Variants in FGGY observed in about 807,000 individuals in gnomAD.
The protein encoded by FGGY is FGGY carbohydrate kinase domain-containing protein.
FGGY carries 72 observed loss-of-function variants against 71.3 expected under a neutral mutation model. That is an observed-to-expected ratio of 1.01 (90% CI 0.84 to 1.23). FGGY has a LOEUF of 1.23. Ranked by LOEUF, FGGY falls within the 50% of genes most tolerant of loss-of-function variation. The pLI is 0.00. For missense variants in FGGY, 668 were observed against 682.3 expected, an observed-to-expected ratio of 0.98 and a Z score of 0.23; for synonymous variants, 251 against 250.3, an observed-to-expected ratio of 1.00 and a Z score of -0.02.
intron 13 of FGGY, among the ~76,000 whole-genome samples, chr1:59,672,864 C>A (rs1273137796): frequency 6.6e-6 from 1 of 152,176 alleles, no homozygotes; most frequent in Non-Finnish European, 1.5e-5. Context: ...ACATTATAGA[C>A]CTAAGAATCC....
chr1:59,474,215 A>G (rs1329902502), intron 6 of FGGY: 1 of 152,220 alleles, frequency 6.6e-6, no homozygotes, highest in Non-Finnish European at 1.5e-5. Context: ...AATAACTTTC[A>G]GAGGTTTTGC....
intron 8 of FGGY, among the ~76,000 whole-genome samples, chr1:59,562,822 T>C (rs1244220053): frequency 1.3e-5 from 2 of 152,198 alleles, no homozygotes; most frequent in African/African-American, 4.8e-5. Flanking sequence ...ATCTTGATTG[T>C]GGTAATAACT....
At chr1:59,302,727 A>T in intron 1 of FGGY, among the ~76,000 whole-genome samples, 1 of 152,210 alleles carries the variant, frequency 6.6e-6, no homozygotes, top group Admixed American at 6.5e-5. Flanking sequence ...TAATTTATTA[A>T]TATAAAAAAT....
Position 59,613,756 on chromosome 1 carries a change from C to T in FGGY, c.1011+5846C>T, listed in dbSNP as rs549316453. ...CAAAATTGATAGAACGCTAGCAAGA[C>T]TAATGAAGAAGAAAAGAGAGAAGAA... On this transcript the variant is annotated intron_variant, in intron 9 of 15. Transcript: ENST00000303721. 5.9e-5 allele frequency among the ~76,000 whole-genome samples: 9 copies of T among 151,854 alleles called. No individual in the cohort carries two copies. The South Asian group carries it at 1.9e-3, about 32-fold the overall frequency.
At chr1:59,569,434 A>T (rs778201673) in intron 8 of FGGY, among the ~76,000 whole-genome samples, 1 of 152,216 alleles carries the variant, frequency 6.6e-6, no homozygotes, top group African/African-American at 2.4e-5. Context: ...GTGGTATTTT[A>T]TACCCATTCC....
intron 4 of FGGY, among the ~76,000 whole-genome samples, chr1:59,373,603 A>G (rs1028479960): frequency 6.6e-6 from 1 of 152,162 alleles, no homozygotes; most frequent in African/African-American, 2.4e-5. Flanking sequence ...CCCCAAGTCA[A>G]TCCTAAGCCA....
chr1:59,390,962 A>C (rs1419781742), intron 5 of FGGY, among the ~76,000 whole-genome samples: 1 of 152,244 alleles, frequency 6.6e-6, no homozygotes, highest in South Asian at 2.1e-4. Context: ...TCCCTAATCC[A>C]GTAATTGATA....
intron 8 of FGGY, among the ~76,000 whole-genome samples, chr1:59,592,953 AAG>A (rs1447779387): frequency 1.3e-5 from 2 of 151,418 alleles, no homozygotes; most frequent in Admixed American, 6.5e-5. Flanking sequence ...AAATAAGAAA[AAG>A]TAAAAATAAA....
chr1:59,651,028 C>T (rs2097153830), intron 11 of FGGY, among the ~76,000 whole-genome samples: 1 of 151,384 alleles, frequency 6.6e-6, no homozygotes, highest in African/African-American at 2.5e-5. Context: ...CATTCAGGAG[C>T]AGGTTGTTCA....
chr1:59,372,441 C>T (rs1161857175), intron 4 of FGGY, among the ~76,000 whole-genome samples: 1 of 152,118 alleles, frequency 6.6e-6, no homozygotes, highest in Non-Finnish European at 1.5e-5. Context: ...AAAAAGAGTC[C>T]AGGACCAGAT....
intron 12 of FGGY, among the ~76,000 whole-genome samples, chr1:59,663,865 A>T (rs544143397): frequency 1.3e-5 from 2 of 152,350 alleles, no homozygotes; most frequent in East Asian, 3.9e-4. Context: ...TTAGCCCTGA[A>T]TATTGCCGGA....
chr1:59,446,080 A>G (rs937979567), intron 5 of FGGY, among the ~76,000 whole-genome samples: 3 of 152,180 alleles, frequency 2.0e-5, no homozygotes, highest in East Asian at 1.9e-4. Flanking sequence ...CTGGCGTATA[A>G]TAGGCACTAA....
intron 14 of FGGY, among the ~76,000 whole-genome samples, chr1:59,724,074 A>G (rs2097919513): frequency 6.6e-6 from 1 of 151,712 alleles, no homozygotes; most frequent in African/African-American, 2.4e-5. Context: ...GAGGCAGGAG[A>G]ATCGCTTGAA....
At chr1:59,432,473 T>C (rs913894079) in intron 5 of FGGY, among the ~76,000 whole-genome samples, 1 of 150,932 alleles carries the variant, frequency 6.6e-6, no homozygotes, top group South Asian at 2.1e-4. Context: ...CTGCCCTTAC[T>C]CCAGGTAGTT....
At chr1:59,653,294 TTG>T (rs2097184215) in intron 11 of FGGY, among the ~76,000 whole-genome samples, 2 of 152,216 alleles carry the variant, frequency 1.3e-5, no homozygotes, top group Admixed American at 1.3e-4. Flanking sequence ...GTTCGAGCTT[TTG>T]GGCTGCTTTG....
At chr1:59,445,915 A>G (rs964028723) in intron 5 of FGGY, among the ~76,000 whole-genome samples, 47 of 152,260 alleles carry the variant, frequency 3.1e-4, no homozygotes, top group Admixed American at 5.2e-4. Context: ...GCAGGTTTTG[A>G]ACTTCTGTCC....
At chr1:59,695,155 T>C (rs564120261) in intron 14 of FGGY, among the ~76,000 whole-genome samples, 3 of 152,336 alleles carry the variant, frequency 2.0e-5, no homozygotes, top group Non-Finnish European at 2.9e-5. Flanking sequence ...ATGTGCTAGA[T>C]GGTGGAGAAA....
chr1:59,659,788 C>A (rs2097257583), intron 11 of FGGY, among the ~76,000 whole-genome samples: 1 of 152,272 alleles, frequency 6.6e-6, no homozygotes, highest in Non-Finnish European at 1.5e-5. Context: ...CTGGATTGGA[C>A]ACTGAATGCT....
chr1:59,551,499 C>T (rs182752022), intron 7 of FGGY, among the ~76,000 whole-genome samples: 306 of 152,232 alleles, frequency 2.0e-3, no homozygotes, highest in Non-Finnish European at 3.3e-3. Context: ...TGTGGAGCAG[C>T]GTGGCCAACT....
Sources: gnomAD v4.1 joint callset for allele counts (sites outside exome capture counted in the v4.1 genomes callset) on GRCh38, gnomAD v4.1.1 for gene constraint, MANE v1.5 for transcripts, NCBI Gene and HGNC (gene_info 2026-07-23, HGNC 2026-07-21) for gene names.